The following TPM3 variants were observed in gnomAD, a reference collection of about 807,000 sequenced individuals.
TPM3 encodes the protein tropomyosin 3.
TPM3 carries 16 observed loss-of-function variants against 43.1 expected under a neutral mutation model. The observed-to-expected ratio is 0.37, with a 90% CI of 0.25 to 0.56. The LOEUF (loss-of-function observed/expected upper bound fraction) is 0.56, where lower values mean the gene tolerates loss of function less well. Among genes scored for constraint, TPM3 ranks in the 20% least tolerant of loss-of-function variants. The pLI, the probability that TPM3 is intolerant of heterozygous loss-of-function variation, is 0.77. For synonymous variants in TPM3, 101 were observed against 116.9 expected, an observed-to-expected ratio of 0.86 and a Z score of 0.88; for missense variants, 176 against 337.2, an observed-to-expected ratio of 0.52 and a Z score of 3.74.
intron 2 of TPM3, chr1:154,183,512 G>C: frequency 7.7e-6 from 3 of 388,844 alleles, no homozygotes; most frequent in Non-Finnish European, 1.5e-5. Context: ...TTACACTCCC[G>C]CAATTGACCC....
chr1:154,159,564 T>C (rs776425268), downstream of TPM3, among the ~76,000 whole-genome samples: 2 of 152,224 alleles, frequency 1.3e-5, no homozygotes, highest in African/African-American at 2.4e-5. Context: ...TATTGTGTGA[T>C]AGACCCATTT....
At chr1:154,185,683 C>A (rs1479766869) in intron 2 of TPM3, among the ~76,000 whole-genome samples, 1 of 150,340 alleles carries the variant, frequency 6.7e-6, no homozygotes, top group Non-Finnish European at 1.5e-5. Context: ...GCACTCCAGC[C>A]TGGGTGACAG....
At chr1:154,184,640 CG>C (rs1229061000) in intron 2 of TPM3, among the ~76,000 whole-genome samples, 1 of 152,162 alleles carries the variant, frequency 6.6e-6, no homozygotes, top group African/African-American at 2.4e-5. Flanking sequence ...GTCAGCCGGG[CG>C]GGGTGACTCA....
intron 2 of TPM3, among the ~76,000 whole-genome samples, chr1:154,184,628 C>T (rs536258478): frequency 2.2e-4 from 34 of 152,294 alleles, no homozygotes; most frequent in African/African-American, 7.7e-4. Flanking sequence ...TTACAGACCA[C>T]TGTCAGCCGG....
chr1:154,173,238 G>A (rs1661806507), intron 3 of TPM3, 37 bp from the exon 4 acceptor site: 2 of 1,558,478 alleles, frequency 1.3e-6, no homozygotes, highest in Non-Finnish European at 1.8e-6. Context: ...CTGACACCCT[G>A]AGGAGTGTGT....
At chr1:154,182,998 G>A (rs1663138118) in intron 2 of TPM3, 2 of 1,610,748 alleles carry the variant, frequency 1.2e-6, no homozygotes, top group Admixed American at 3.3e-5. Context: ...CTGTTCCCGG[G>A]CCCGCCTTTC....
intron 8 of TPM3, 124 bp downstream of exon 8, chr1:154,170,276 A>C (rs1163658006): frequency 9.6e-7 from 1 of 1,042,472 alleles, no homozygotes; most frequent in African/African-American, 1.6e-5. Flanking sequence ...AGGACAGTGC[A>C]CATGATATTA....
Position 154,163,013 on chromosome 1 carries a change from G to A in TPM3, c.*4924C>T, listed in dbSNP as rs1036320708. Among the ~76,000 whole-genome samples, 11 of 151,982 alleles carry A rather than the reference G, an allele frequency of 7.2e-5. No homozygotes were observed. The highest frequency in any genetic ancestry group is 1.3e-4 in the Non-Finnish European group (9 of 67,998). ...TTTAGTAGAGACAGGTTTTCACCAC[G>A]TTGGCCAGGATGGTCTTGATCTCTT... is the stretch of plus-strand genomic sequence containing the variant. On this transcript the variant is annotated 3_prime_UTR_variant, in exon 10 of 10. Transcript: ENST00000651641.
chr1:154,188,806 G>GAA (rs1414734030), intron 2 of TPM3, among the ~76,000 whole-genome samples: 1 of 151,080 alleles, frequency 6.6e-6, no homozygotes, highest in African/African-American at 2.5e-5. Flanking sequence ...CTTGGCCACT[G>GAA]AAAGTGGTGG....
At chr1:154,183,157 C>T in intron 2 of TPM3, 6 of 1,597,510 alleles carry the variant, frequency 3.8e-6, no homozygotes, top group Non-Finnish European at 5.1e-6. Flanking sequence ...CCGGTTCCTG[C>T]CTCCTCCGCT....
chr1:154,172,591 G>T, intron 5 of TPM3: 1 of 451,856 alleles, frequency 2.2e-6, no homozygotes, highest in Non-Finnish European at 4.2e-6. Context: ...TAGCCACTTT[G>T]ATGTCTTCCA....
chr1:154,155,456 A>T, downstream of TPM3: 1 of 251,670 alleles, frequency 4.0e-6, no homozygotes, highest in Non-Finnish European at 7.8e-6. Flanking sequence ...AAAATTGTGC[A>T]GTCTCTGGGA....
chr1:154,169,455 G>T, intron 8 of TPM3, 72 bp from the exon 9 acceptor site: 1 of 1,490,366 alleles, frequency 6.7e-7, no homozygotes, highest in Non-Finnish European at 9.4e-7. Context: ...GATGAAGAGA[G>T]GGAATCATTA....
At chr1:154,174,375 T>TAC (rs1468893524) in intron 3 of TPM3, among the ~76,000 whole-genome samples, 3 of 73,358 alleles carry the variant, frequency 4.1e-5, no homozygotes, top group Non-Finnish European at 7.4e-5. Flanking sequence ...TGTGTATATA[T>TAC]ATATATATAT....
intron 2 of TPM3, chr1:154,183,133 C>A: frequency 8.1e-6 from 13 of 1,597,992 alleles, no homozygotes; most frequent in Non-Finnish European, 1.1e-5. Context: ...GCCCACCCAG[C>A]TACTGCTCGC....
rs6672584 is a variant in TPM3 at position 154,165,726 on chromosome 1, T to C, written c.*2211A>G. On this transcript the variant is annotated 3_prime_UTR_variant, in exon 10 of 10. Coordinates refer to ENST00000651641, the MANE Select transcript of TPM3 (RefSeq NM_152263.4). ...ACTGCTTGAACCCAGGAGGCAGAGG[T>C]TGCAGTGAGCTGAGATCAGGCCACT... is the stretch of plus-strand genomic sequence containing the variant. 6.7e-6 allele frequency among the ~76,000 whole-genome samples: 1 copy of C among 149,400 alleles called. No individual in the cohort carries two copies. The highest frequency in any genetic ancestry group is 2.1e-4 in the South Asian group (1 of 4,754).
At chr1:154,190,142 A>G (rs1004478390) in intron 2 of TPM3, among the ~76,000 whole-genome samples, 8 of 152,100 alleles carry the variant, frequency 5.3e-5, no homozygotes, top group Non-Finnish European at 1.0e-4. Flanking sequence ...GGGTTTCACC[A>G]TGTTGGCCAG....
At chr1:154,159,989 TC>T (rs1370792386), downstream of TPM3, among the ~76,000 whole-genome samples, 1 of 137,814 alleles carries the variant, frequency 7.3e-6, no homozygotes, top group African/African-American at 3.1e-5. Flanking sequence ...GTAAGTTATT[TC>T]CTTTTTTTTT....
chr1:154,181,095 C>G (rs1001481279), intron 2 of TPM3, among the ~76,000 whole-genome samples: 1 of 152,148 alleles, frequency 6.6e-6, no homozygotes, highest in Non-Finnish European at 1.5e-5. Context: ...TGAGAAAGTG[C>G]CACTGGCCAT....
Sources: gnomAD v4.1 joint callset for allele counts (sites outside exome capture counted in the v4.1 genomes callset) on GRCh38, gnomAD v4.1.1 for gene constraint, MANE v1.5 for transcripts, NCBI Gene and HGNC (gene_info 2026-07-23, HGNC 2026-07-21) for gene names.